LRRC71: variants seen among roughly 807,000 people sequenced by gnomAD.
LRRC71 encodes the protein leucine-rich repeat-containing protein 71.
LRRC71 carries 54 observed loss-of-function variants against 66.6 expected under a neutral mutation model. The observed-to-expected ratio is 0.81, with a 90% CI of 0.65 to 1.02. The LOEUF (loss-of-function observed/expected upper bound fraction) is 1.02. LRRC71 is among the 50% of genes least tolerant of loss of function. The pLI is 0.00. For synonymous variants in LRRC71, 323 were observed against 303.9 expected (o/e 1.06, Z -0.65); for missense variants, 724 against 718.0 (o/e 1.01, Z -0.10).
chr1:156,927,565 G>A lies in LRRC71; in HGVS notation c.732G>A (p.Leu244=), dbSNP rs781691324. 2 of 1,587,166 alleles carry A rather than the reference G, an allele frequency of 1.3e-6. No individual in the cohort carries two copies. The highest frequency in any genetic ancestry group is 4.5e-5 in the East Asian group (2 of 44,662). ...DRGAQLLGQA[L]STLHSCNRTL... ...GGGCGCAACTCCTGGGCCAGGCGCT[G>A]TCCACGCTGCACAGCTGCAACCGGA... The change falls in exon 7 of 15, where the codon CTG becomes CTA. Residue 244 remains leucine (L), a synonymous_variant. Transcript: ENST00000337428.
the LRRC71 span, chr1:156,940,058 G>GT: frequency 1.4e-6 from 2 of 1,418,968 alleles, no homozygotes; most frequent in East Asian, 4.8e-5. Flanking sequence ...TGGGGGTTGG[G>GT]TGGGGAATGA....
chr1:156,930,135 C>T (rs546004529), intron 11 of LRRC71, among the ~76,000 whole-genome samples: 1 of 138,960 alleles, frequency 7.2e-6, no homozygotes. Context: ...CTCTGTTGCC[C>T]AGGCTGGAGT....
At chr1:156,940,118 G>A in the LRRC71 span, 1,142 of 1,453,034 alleles carry the variant, frequency 7.9e-4, 3 homozygotes, top group Middle Eastern at 1.5e-3. Flanking sequence ...AAGAGCCTTC[G>A]GGAAGGTGGA....
At position 156,923,967 on chromosome 1, in the gene LRRC71, G is replaced by C. The variant is rs755693412; in HGVS notation, c.179G>C (p.Gly60Ala). Residue 60 changes from glycine to alanine, a missense_variant, in exon 2 of 15, where the codon GGG (glycine) becomes GCG (alanine). By Grantham distance (60) the Gly-to-Ala change is moderately conservative. Coordinates refer to ENST00000337428, the MANE Select transcript of LRRC71 (RefSeq NM_144702.3). ...CCCGCAGAGGAGTACCAGTGCTCCG[G>C]GGTCCTCGAGACCGACTTCGCCGAG... is the stretch of plus-strand genomic sequence containing the variant. ...PKSPEEYQCS[G>A]VLETDFAELC... 3.5e-5 allele frequency: 53 copies of C among 1,528,288 alleles called. No homozygotes were observed. The Middle Eastern group carries it at 6.1e-4, about 18-fold the overall frequency. 94.7% of individuals were successfully genotyped at this position (1,528,288 alleles called of 1,614,324 possible).
downstream of LRRC71, among the ~76,000 whole-genome samples, chr1:156,936,487 A>AAAAAATAAAAAAAAAAAAAT (rs1432587311): frequency 7.5e-5 from 6 of 79,634 alleles, no homozygotes; most frequent in African/African-American, 3.5e-4. Flanking sequence ...ATAGAAAAAA[A>AAAAAATAAAAAAAAAAAAAT]AAAAAAAAAA....
chr1:156,932,593 A>G, intron 14 of LRRC71, 48 bp downstream of exon 14: 16 of 1,613,962 alleles, frequency 9.9e-6, no homozygotes, highest in Middle Eastern at 1.6e-4. Flanking sequence ...TGCCCCTATC[A>G]GCTGTCATAC....
At chr1:156,937,381 A>AGGCTCT, downstream of LRRC71, 1 of 1,608,268 alleles carries the variant, frequency 6.2e-7, no homozygotes, top group Non-Finnish European at 8.5e-7. Flanking sequence ...GCTGAGGCTG[A>AGGCTCT]GGCTCTGTCT....
At chr1:156,936,856 G>A (rs1655490108), downstream of LRRC71, 3 of 1,614,114 alleles carry the variant, frequency 1.9e-6, no homozygotes, top group Non-Finnish European at 2.5e-6. Context: ...TGTTCCTGGA[G>A]TCAGAAGCTA....
At position 156,920,687 on chromosome 1, in the gene LRRC71, C is replaced by T; in HGVS notation, c.-117C>T. 8.0e-7 allele frequency: 1 copy of T among 1,246,888 alleles called. No individual in the cohort carries two copies. The allele number at this position is 1,246,888 out of a possible 1,614,324, so 77.2% of individuals were successfully genotyped here. A position where few individuals can be genotyped will look rare whatever the true frequency, so the allele number is the denominator to read the frequency against. On this transcript the variant is annotated 5_prime_UTR_variant, in exon 1 of 15. Coordinates refer to ENST00000337428, the MANE Select transcript of LRRC71 (RefSeq NM_144702.3). The surrounding 1 kb of genome is among the most constrained non-coding windows in gnomAD (Gnocchi z 4.9). ...CCACCGCGGACGGGTCGGATCCGGT[C>T]CCTGGACGCGGAACAGAGATCCCCT...
intron 1 of LRRC71, among the ~76,000 whole-genome samples, chr1:156,923,165 C>A (rs1051900001): frequency 3.9e-5 from 6 of 152,222 alleles, no homozygotes; most frequent in African/African-American, 1.4e-4. Context: ...CCTGGCACAG[C>A]TCCTGCAGCA....
At chr1:156,935,594 G>T (rs183868852), downstream of LRRC71, 4 of 173,172 alleles carry the variant, frequency 2.3e-5, no homozygotes, top group East Asian at 4.7e-4. Context: ...TCTGCCTGGG[G>T]TCTTATGGAG....
intron 1 of LRRC71, among the ~76,000 whole-genome samples, chr1:156,923,078 C>G (rs982543025): frequency 6.6e-6 from 1 of 152,192 alleles, no homozygotes; most frequent in Middle Eastern, 3.2e-3. Flanking sequence ...CCCCATGAAC[C>G]CTCGAGCCTC....
At chr1:156,927,466 C>A in intron 6 of LRRC71, 30 bp from the exon 7 acceptor site, 1 of 1,519,580 alleles carries the variant, frequency 6.6e-7, no homozygotes, top group Non-Finnish European at 8.8e-7. Flanking sequence ...CCTTTTCCAG[C>A]GACCCACATT....
chr1:156,936,114 A>G (rs1557805374), downstream of LRRC71: 2 of 1,555,350 alleles, frequency 1.3e-6, no homozygotes, highest in Admixed American at 1.7e-5. Flanking sequence ...CCGCTTCCAC[A>G]TGTTTTGTCT....
rs767940926 is a variant in LRRC71, at chr1:156,927,672, G to C, written c.822+17G>C. 10 of 1,606,808 alleles carry C rather than the reference G, an allele frequency of 6.2e-6. No individual in the cohort carries two copies. In the Admixed American group the frequency reaches 1.7e-4, roughly 27 times the overall value. The stretch of plus-strand genomic sequence containing the variant: ...ATCGCGGACGTGAGTGCACGGCGGG[G>C]AGGGACCTGCTGGGAGCAGGGGCGG... On this transcript the variant is annotated intron_variant, in intron 7 of 14. Transcript: ENST00000337428.
intron 9 of LRRC71, among the ~76,000 whole-genome samples, chr1:156,928,771 A>G (rs747979897): frequency 1.5e-4 from 22 of 151,570 alleles, no homozygotes; most frequent in Admixed American, 7.2e-4. Context: ...GGGTTTCGCT[A>G]TGTTGACCAG....
At chr1:156,938,374 C>T in the LRRC71 span, 38,522 of 1,581,770 alleles carry the variant, frequency 0.024, 626 homozygotes, top group South Asian at 0.057. Context: ...AGGTTCCACA[C>T]TCCAGTCTTG....
At position 156,924,634 on chromosome 1, in the gene LRRC71, G is replaced by A; in HGVS notation, c.440-9G>A. ...AGGTCTGAGGCACCTGCCTCCTCTT[G>A]GCCCGCAGGTTGGAAGGTTGAGGAA... On this transcript the variant is annotated splice_polypyrimidine_tract_variant and intron_variant, in intron 3 of 14. Transcript: ENST00000337428. 2 of 1,532,966 alleles carry A rather than the reference G, an allele frequency of 1.3e-6. No individual in the cohort carries two copies. Among genetic ancestry groups the A allele is most frequent in the Middle Eastern group, 1.7e-4 (1 of 5,896 alleles). The allele number at this position is 1,532,966 out of a possible 1,614,324, so 95.0% of individuals were successfully genotyped here.
At chr1:156,932,064 G>A (rs761485808) in intron 13 of LRRC71, 37 bp downstream of exon 13, 12 of 1,512,244 alleles carry the variant, frequency 7.9e-6, no homozygotes, top group Admixed American at 7.8e-5. Flanking sequence ...CCTGTCATGA[G>A]GCTACCCGGG....
Sources: gnomAD v4.1 joint callset for allele counts (sites outside exome capture counted in the v4.1 genomes callset) on GRCh38, gnomAD v4.1.1 for gene constraint, Gnocchi (gnomAD v3.1) non-coding constraint, MANE v1.5 for transcripts, NCBI Gene and HGNC (gene_info 2026-07-23, HGNC 2026-07-21) for gene names.